Variants in ADCY8 observed in about 807,000 individuals in gnomAD.
The protein encoded by ADCY8 is adenylate cyclase 8, also known as adenylate cyclase type 8.
Under a neutral mutation model 119.7 loss-of-function variants are expected in ADCY8, and 51 were observed. The ratio of observed to expected loss-of-function variants is 0.43; its 90% CI spans 0.34 to 0.54. The LOEUF (loss-of-function observed/expected upper bound fraction) is 0.54. Ranked by LOEUF, ADCY8 falls within the 20% of genes least tolerant of loss-of-function variation. The pLI is 0.03. For missense variants in ADCY8, 1,383 were observed against 1,598.8 expected, an observed-to-expected ratio of 0.87 and a Z score of 2.30; for synonymous variants, 665 against 651.0, an observed-to-expected ratio of 1.02 and a Z score of -0.33.
intron 8 of ADCY8, among the ~76,000 whole-genome samples, chr8:130,877,040 AT>A (rs1162220824): frequency 1.3e-5 from 2 of 152,172 alleles, no homozygotes; most frequent in East Asian, 3.9e-4. Context: ...AAATAGTACA[AT>A]TAGTACCTCC....
rs757650663 is a variant in ADCY8 at position 131,039,593 on chromosome 8, C to G, written c.741G>C (p.Val247=). 5 of 1,613,844 alleles carry G rather than the reference C, an allele frequency of 3.1e-6. No homozygotes were observed. In the East Asian group the frequency reaches 1.1e-4, roughly 36 times the overall value. Residue 247 remains valine (V), a synonymous_variant, in exon 1 of 18, where the codon GTG becomes GTC. Coordinates refer to ENST00000286355, the MANE Select transcript of ADCY8 (RefSeq NM_001115.3). ...TSHTYLQYSG[V]VTWVAMTTQI... ...GGGTGGTCATGGCCACCCAGGTGAC[C>G]ACGCCGCTGTACTGCAGGTACGTGT...
rs1157433995 is a variant in ADCY8 at position 130,992,397 on chromosome 8, A to C, written c.961-1855T>G. Among the ~76,000 whole-genome samples, 26 of 31,960 alleles carry C rather than the reference A, an allele frequency of 8.1e-4. 4 individuals are homozygous for C. Among genetic ancestry groups the C allele is most frequent in the African/African-American group, 2.7e-3 (24 of 8,810 alleles). 21.0% of individuals were successfully genotyped at this position (31,960 alleles called of 152,430 possible). A position where few individuals can be genotyped will look rare whatever the true frequency, so the allele number is the denominator to read the frequency against. On this transcript the variant is annotated intron_variant, in intron 1 of 17. Transcript: ENST00000286355. Reference sequence around the variant, plus strand: ...CTGTATCTGGCATATATATATATATATATATATATATATATATATATATAT... The same window carrying C: ...CTGTATCTGGCATATATATATATATCTATATATATATATATATATATATAT...
At chr8:130,912,307 G>T (rs1251802566) in intron 5 of ADCY8, among the ~76,000 whole-genome samples, 1 of 152,116 alleles carries the variant, frequency 6.6e-6, no homozygotes, top group Non-Finnish European at 1.5e-5. Context: ...ACTGTATCTG[G>T]CACGTGGTTA....
intron 5 of ADCY8, among the ~76,000 whole-genome samples, chr8:130,918,550 A>C (rs1820200123): frequency 6.6e-6 from 1 of 152,224 alleles, no homozygotes; most frequent in Non-Finnish European, 1.5e-5. Flanking sequence ...TTAAGAGATT[A>C]TTCCCATTTT....
chr8:130,944,045 G>A (rs1821036265), intron 3 of ADCY8, among the ~76,000 whole-genome samples: 1 of 152,268 alleles, frequency 6.6e-6, no homozygotes, highest in Non-Finnish European at 1.5e-5. Context: ...GTTAGGTGAG[G>A]TCTTGTTCTA....
chr8:130,790,380 G>A (rs1397706683), intron 15 of ADCY8, among the ~76,000 whole-genome samples: 1 of 152,106 alleles, frequency 6.6e-6, no homozygotes, highest in Non-Finnish European at 1.5e-5. Context: ...ATATCTATAA[G>A]TGTTCATGTA....
At chr8:130,822,657 T>C (rs1027484338) in intron 12 of ADCY8, among the ~76,000 whole-genome samples, 124 of 152,196 alleles carry the variant, frequency 8.1e-4, no homozygotes, top group African/African-American at 2.9e-3. Flanking sequence ...TCCAGTACCA[T>C]CCTTTTATTC....
At chr8:130,895,712 T>C (rs1407495914) in intron 7 of ADCY8, among the ~76,000 whole-genome samples, 1 of 152,138 alleles carries the variant, frequency 6.6e-6, no homozygotes, top group Admixed American at 6.6e-5. Flanking sequence ...TTCCAAAGAT[T>C]TCCATGTTCT....
At chr8:130,797,465 A>G (rs1002416022) in intron 15 of ADCY8, among the ~76,000 whole-genome samples, 1 of 152,206 alleles carries the variant, frequency 6.6e-6, no homozygotes, top group Non-Finnish European at 1.5e-5. Flanking sequence ...TCTTCACCTT[A>G]CTATCTGCCA....
intron 1 of ADCY8, among the ~76,000 whole-genome samples, chr8:131,017,917 T>C (rs142550917): frequency 6.6e-6 from 1 of 152,308 alleles, no homozygotes; most frequent in African/African-American, 2.4e-5. Flanking sequence ...CTTGTTTCCT[T>C]ATCTGATAAG....
At chr8:130,941,398 G>C (rs1270850581) in intron 4 of ADCY8, among the ~76,000 whole-genome samples, 3 of 152,182 alleles carry the variant, frequency 2.0e-5, no homozygotes, top group Admixed American at 6.5e-5. Context: ...TGGGTCAGCA[G>C]GGTTTACTGT....
intron 2 of ADCY8, among the ~76,000 whole-genome samples, chr8:130,982,365 A>G (rs1168981988): frequency 5.9e-5 from 9 of 152,262 alleles, no homozygotes; most frequent in Non-Finnish European, 1.0e-4. Flanking sequence ...AGGAAACATT[A>G]GAGGATGCTT....
intron 5 of ADCY8, among the ~76,000 whole-genome samples, chr8:130,911,192 A>C (rs1819969767): frequency 6.6e-6 from 1 of 152,206 alleles, no homozygotes; most frequent in Non-Finnish European, 1.5e-5. Flanking sequence ...TTTTTAAAGA[A>C]ATTGATGCTC....
Position 131,039,309 on chromosome 8 carries a change from A to C in ADCY8, c.960+65T>G. 8 of 1,572,330 alleles carry C rather than the reference A, an allele frequency of 5.1e-6. 1 individual carries two copies. The South Asian group carries it at 9.6e-5, about 19-fold the overall frequency. On this transcript the variant is annotated intron_variant, in intron 1 of 17. Transcript: ENST00000286355. Reference sequence around the variant, plus strand: ...GAGTGAGGCAACCCTGGCTCTCTGGAAGCTATATGATCAATAACCCGGGGA... The same window carrying C: ...GAGTGAGGCAACCCTGGCTCTCTGGCAGCTATATGATCAATAACCCGGGGA...
intron 10 of ADCY8, among the ~76,000 whole-genome samples, chr8:130,849,251 A>G (rs1280843676): frequency 6.6e-6 from 1 of 152,182 alleles, no homozygotes; most frequent in Non-Finnish European, 1.5e-5. Context: ...AAAATATGTA[A>G]AGGTCCTCCT....
chr8:130,848,101 C>A (rs960061558), intron 10 of ADCY8, among the ~76,000 whole-genome samples: 1 of 152,168 alleles, frequency 6.6e-6, no homozygotes, highest in Non-Finnish European at 1.5e-5. Flanking sequence ...TTTTAATCCC[C>A]ATTTTACAAT....
At chr8:130,935,683 C>T (rs1416610217) in intron 5 of ADCY8, 2 of 152,246 alleles carry the variant, frequency 1.3e-5, no homozygotes, top group East Asian at 3.8e-4. Flanking sequence ...CTTTGCTACA[C>T]AGCTTTCATT....
At chr8:130,952,113 T>C in intron 2 of ADCY8, 115 bp from the exon 3 acceptor site, 2 of 1,158,770 alleles carry the variant, frequency 1.7e-6, no homozygotes, top group Middle Eastern at 2.6e-4. Flanking sequence ...GGATTGCTAA[T>C]TTCATACCAT....
intron 14 of ADCY8, among the ~76,000 whole-genome samples, chr8:130,805,393 G>A (rs977383751): frequency 2.0e-5 from 3 of 152,218 alleles, no homozygotes; most frequent in African/African-American, 7.2e-5. Context: ...ATAATGACAA[G>A]CAGGAATAAG....
Sources: allele counts gnomAD v4.1 joint callset (sites outside exome capture counted in the v4.1 genomes callset), GRCh38; gene constraint gnomAD v4.1.1; transcripts MANE v1.5; gene names NCBI Gene and HGNC (gene_info 2026-07-23, HGNC 2026-07-21).